Variants in ABHD6 observed in about 807,000 individuals in gnomAD.
ABHD6 encodes the protein abhydrolase domain containing 6, acylglycerol lipase.
In ABHD6, 33 loss-of-function variants were observed where a neutral mutation model predicts 38.8. That is an observed-to-expected ratio of 0.85 (90% CI 0.64 to 1.14). The LOEUF is 1.14. Ranked by LOEUF, ABHD6 falls within the 50% of genes most tolerant of loss-of-function variation. The probability of loss-of-function intolerance (pLI) is 0.00; values close to 1 mark genes in which losing one functional copy is unlikely to be tolerated. For synonymous variants in ABHD6, 147 were observed against 161.6 expected (o/e 0.91, Z 0.69); for missense variants, 380 against 422.6 (o/e 0.90, Z 0.88).
chr3:58,290,994 TGCACTCTGG>T (rs1356897889), intron 9 of ABHD6, among the ~76,000 whole-genome samples: 2 of 151,722 alleles, frequency 1.3e-5, no homozygotes, highest in Non-Finnish European at 2.9e-5. Flanking sequence ...GGGCAGAGGC[TGCACTCTGG>T]GCACTTTGGG....
intron 9 of ABHD6, among the ~76,000 whole-genome samples, chr3:58,290,425 A>T (rs1470632435): frequency 9.6e-6 from 1 of 104,366 alleles, no homozygotes; most frequent in Non-Finnish European, 1.9e-5. Flanking sequence ...GGCTGGGCAG[A>T]GGCGCCCCTC....
chr3:58,254,616 A>G (rs1003456823), intron 2 of ABHD6, among the ~76,000 whole-genome samples: 1 of 152,110 alleles, frequency 6.6e-6, no homozygotes, highest in Non-Finnish European at 1.5e-5. Flanking sequence ...AAGGAAGGCC[A>G]TGATTTGCTA....
chr3:58,256,717 T>C lies in ABHD6; in HGVS notation c.119+12T>C, dbSNP rs1244621629. On this transcript the variant is annotated intron_variant, in intron 3 of 9. Transcript: ENST00000478253. The surrounding 1 kb of genome is among the most constrained non-coding windows in gnomAD (Gnocchi z 4.3). ...AGAATCTATTATTGGTAAGCCAGTT[T>C]TATCATTGATGTTTTCAAGAGTATC... The C allele has an allele frequency of 3.2e-6, 5 of 1,577,166 alleles. No individual in the cohort carries two copies. The highest frequency in any genetic ancestry group is 4.3e-6 in the Non-Finnish European group (5 of 1,149,716).
chr3:58,268,612 C>T (rs559947443), intron 4 of ABHD6, among the ~76,000 whole-genome samples: 2 of 152,328 alleles, frequency 1.3e-5, no homozygotes, highest in East Asian at 1.9e-4. Flanking sequence ...AAGACTCACA[C>T]ACCCTCTAGT....
chr3:58,252,564 G>A (rs1357574995), intron 2 of ABHD6, among the ~76,000 whole-genome samples: 1 of 152,098 alleles, frequency 6.6e-6, no homozygotes, highest in Non-Finnish European at 1.5e-5. Flanking sequence ...AAGCAGGACT[G>A]AAAAGAACTG....
intron 9 of ABHD6, among the ~76,000 whole-genome samples, chr3:58,286,213 G>T (rs894148148): frequency 1.3e-5 from 2 of 152,072 alleles, no homozygotes; most frequent in Admixed American, 6.5e-5. Context: ...TAGAGACGGG[G>T]TTTCACCATG....
chr3:58,284,629 T>A (rs1402163054), intron 7 of ABHD6, among the ~76,000 whole-genome samples: 2 of 152,044 alleles, frequency 1.3e-5, no homozygotes, highest in African/African-American at 4.8e-5. Flanking sequence ...TTTTGTCTTT[T>A]TAGTAGAGAT....
rs1314364684 is a variant in ABHD6, at chr3:58,269,349, G to A, written c.305G>A (p.Cys102Tyr). 3 of 1,613,944 alleles carry A rather than the reference G, an allele frequency of 1.9e-6. No homozygotes were observed. The South Asian group carries it at 3.3e-5, about 18-fold the overall frequency. Residue 102 changes from cysteine to tyrosine, a missense_variant, in exon 5 of 10, where the codon TGC (cysteine) becomes TAC (tyrosine). Transcript: ENST00000478253. This position sits in a 1 kb window ranked among gnomAD's most constrained non-coding sequence, Gnocchi z 4.4. ...KFLPKNLHLV[C>Y]VDMPGHEGTT... ...CTTCCAAAGAACCTGCACTTGGTCT[G>A]CGTGGACATGCCAGGACATGAGGGC...
In ABHD6 at chr3:58,270,905, A is replaced by G. The variant is rs772405687; in HGVS notation, c.391-27A>G. 14 of 1,585,044 alleles carry G rather than the reference A, an allele frequency of 8.8e-6. 1 individual carries two copies. The South Asian group carries it at 1.6e-4, about 19-fold the overall frequency. On this transcript the variant is annotated intron_variant, in intron 5 of 9. Coordinates refer to ENST00000478253, the MANE Select transcript of ABHD6 (RefSeq NM_001320126.2). ...TGCCATTGTCTACAGCTGTATAACC[A>G]AGCTGCTTTCTCATTTCCCTTCCTA...
intron 2 of ABHD6, among the ~76,000 whole-genome samples, chr3:58,255,462 CT>C (rs373989173): frequency 0.024 from 3,102 of 129,760 alleles, 57 homozygotes; most frequent in African/African-American, 0.054. Context: ...AAAAGTCTGT[CT>C]TTTTTTTTTT....
At chr3:58,291,661 C>G (rs2097463113) in intron 9 of ABHD6, among the ~76,000 whole-genome samples, 1 of 152,202 alleles carries the variant, frequency 6.6e-6, no homozygotes, top group Non-Finnish European at 1.5e-5. Context: ...TCAGTAGTTG[C>G]ACATACCTCT....
In ABHD6 at chr3:58,274,645, T is replaced by C; in HGVS notation, c.524-13T>C. 6.2e-7 allele frequency: 1 copy of C among 1,611,460 alleles called. No homozygotes were observed. The stretch of plus-strand genomic sequence containing the variant: ...GGATGTATCATCAAGCCATTTGGGT[T>C]TGAATCCCACAGGCCTGCAGTACTC... On this transcript the variant is annotated splice_polypyrimidine_tract_variant and intron_variant, in intron 6 of 9. Transcript: ENST00000478253.
intron 9 of ABHD6, among the ~76,000 whole-genome samples, chr3:58,292,086 G>T (rs1214412302): frequency 1.3e-5 from 2 of 152,236 alleles, no homozygotes. Flanking sequence ...TGCCGTGGCA[G>T]CCTTAGCTGT....
intron 3 of ABHD6, among the ~76,000 whole-genome samples, chr3:58,262,283 A>G (rs775972606): frequency 1.3e-5 from 2 of 152,212 alleles, no homozygotes; most frequent in African/African-American, 2.4e-5. Context: ...GTGTAATGTC[A>G]TTGATCGTAC....
chr3:58,247,810 A>G lies in ABHD6; in HGVS notation c.-90-2068A>G, dbSNP rs1436675012. Among the ~76,000 whole-genome samples, 7 of 152,178 alleles carry G rather than the reference A, an allele frequency of 4.6e-5. 1 individual carries two copies. Among genetic ancestry groups the G allele is most frequent in the South Asian group, 2.1e-4 (1 of 4,830 alleles). ...GGCTGGTCTCGAACTACTGGCCTCA[A>G]GTGGTCTGCCCGCCTCGGCTTCCCA... On this transcript the variant is annotated intron_variant, in intron 1 of 9. Coordinates refer to ENST00000478253, the MANE Select transcript of ABHD6 (RefSeq NM_001320126.2).
Position 58,269,536 on chromosome 3 carries a change from C to A in ABHD6, c.390+102C>A. ...AGGGAGTCCTGTGCTACCTCATGAC[C>A]AGTCTCCTGTACATTCTGTCTACAA... On this transcript the variant is annotated intron_variant, in intron 5 of 9. Coordinates refer to ENST00000478253, the MANE Select transcript of ABHD6 (RefSeq NM_001320126.2). The surrounding 1 kb of genome is among the most constrained non-coding windows in gnomAD (Gnocchi z 4.4). The A allele has an allele frequency of 1.2e-6, 1 of 847,270 alleles. No homozygotes were observed. The highest frequency in any genetic ancestry group is 1.9e-6 in the Non-Finnish European group (1 of 520,774). The allele number at this position is 847,270 out of a possible 1,614,324, so 52.5% of individuals were successfully genotyped here.
At chr3:58,261,074 T>C (rs915226624) in intron 3 of ABHD6, among the ~76,000 whole-genome samples, 2 of 152,186 alleles carry the variant, frequency 1.3e-5, no homozygotes, top group Non-Finnish European at 2.9e-5. Context: ...GGTCTGATTT[T>C]CATTGTGTAA....
Position 58,285,253 on chromosome 3 carries a change from A to C in ABHD6, c.737-100A>C. ...AATGTCTCTTTGGGCCCCTGAAGAG[A>C]GGAAGTGGTGGCCTGGATCTGGTGA... On this transcript the variant is annotated intron_variant, in intron 8 of 9. Coordinates refer to ENST00000478253, the MANE Select transcript of ABHD6 (RefSeq NM_001320126.2). The surrounding 1 kb of genome is among the most constrained non-coding windows in gnomAD (Gnocchi z 4.9). 2 of 1,520,944 alleles carry C rather than the reference A, an allele frequency of 1.3e-6. No homozygotes were observed. Among genetic ancestry groups the C allele is most frequent in the South Asian group, 2.2e-5 (2 of 88,948 alleles). 94.2% of individuals were successfully genotyped at this position (1,520,944 alleles called of 1,614,324 possible). A position where few individuals can be genotyped will look rare whatever the true frequency, so the allele number is the denominator to read the frequency against.
intron 2 of ABHD6, among the ~76,000 whole-genome samples, chr3:58,250,454 G>C (rs2097429178): frequency 6.6e-6 from 1 of 152,106 alleles, no homozygotes; most frequent in African/African-American, 2.4e-5. Flanking sequence ...CATTTTATTT[G>C]GTGGACATGA....
Sources: gnomAD v4.1 joint callset for allele counts (sites outside exome capture counted in the v4.1 genomes callset) on GRCh38, gnomAD v4.1.1 for gene constraint, Gnocchi (gnomAD v3.1) non-coding constraint, MANE v1.5 for transcripts, NCBI Gene and HGNC (gene_info 2026-07-23, HGNC 2026-07-21) for gene names.